The following CUL5 variants were observed in gnomAD, a reference collection of about 807,000 sequenced individuals.
CUL5 encodes the protein cullin 5, also known as cullin-5.
CUL5 carries 26 observed loss-of-function variants against 108.8 expected under a neutral mutation model. The ratio of observed to expected loss-of-function variants is 0.24; its 90% CI spans 0.18 to 0.33. The LOEUF (loss-of-function observed/expected upper bound fraction) is 0.33, where lower values mean the gene tolerates loss of function less well. Ranked by LOEUF, CUL5 falls within the 10% of genes least tolerant of loss-of-function variation. CUL5 has a pLI of 1.00. For synonymous variants in CUL5, 334 were observed against 298.0 expected (o/e 1.12, Z -1.25); for missense variants, 524 against 909.2 (o/e 0.58, Z 5.45).
At position 108,047,764 on chromosome 11, in the gene CUL5, C is replaced by T. The variant is rs150782988; in HGVS notation, c.234+1395C>T. Among the ~76,000 whole-genome samples, 29 of 152,232 alleles carry T rather than the reference C, an allele frequency of 1.9e-4. No homozygotes were observed. The East Asian group carries it at 4.6e-3, about 24-fold the overall frequency. ...TTTTCTTAGAACTAATTTAGAGATA[C>T]AGTTTCTACTTGCATTGGGAAATGT... On this transcript the variant is annotated intron_variant, in intron 3 of 18. Transcript: ENST00000393094.
At chr11:108,061,122 A>G (rs1451305455) in intron 7 of CUL5, among the ~76,000 whole-genome samples, 1 of 152,210 alleles carries the variant, frequency 6.6e-6, no homozygotes, top group Non-Finnish European at 1.5e-5. Context: ...TATGGCAAAA[A>G]GTTTTTTTCT....
chr11:108,058,245 CTTTT>C (rs771714382), intron 7 of CUL5, among the ~76,000 whole-genome samples: 1 of 100,116 alleles, frequency 1.0e-5, no homozygotes, highest in Non-Finnish European at 1.9e-5. Flanking sequence ...TGAAGAGTGC[CTTTT>C]TTTTTTTTTT....
At chr11:108,064,039 C>G (rs951883707) in intron 7 of CUL5, among the ~76,000 whole-genome samples, 1 of 152,194 alleles carries the variant, frequency 6.6e-6, no homozygotes, top group African/African-American at 2.4e-5. Flanking sequence ...TCTGATTCCT[C>G]TAACTACAAC....
At chr11:108,100,902 G>A (rs143636535) in intron 18 of CUL5, among the ~76,000 whole-genome samples, 129 of 152,224 alleles carry the variant, frequency 8.5e-4, no homozygotes, top group Non-Finnish European at 1.4e-3. Flanking sequence ...AGTGGTGCAT[G>A]CCTGTGGTCC....
chr11:108,012,567 A>G (rs1483404689), intron 1 of CUL5, among the ~76,000 whole-genome samples: 1 of 137,348 alleles, frequency 7.3e-6, no homozygotes, highest in Non-Finnish European at 1.5e-5. Context: ...TCCTATGCCT[A>G]TAAGAAAGTT....
intron 1 of CUL5, among the ~76,000 whole-genome samples, chr11:108,026,765 C>T (rs1319882420): frequency 2.6e-5 from 4 of 151,944 alleles, no homozygotes; most frequent in African/African-American, 7.2e-5. Flanking sequence ...CTGAGGTGGG[C>T]GGATCACGAG....
At chr11:108,089,224 A>G (rs891561026) in intron 12 of CUL5, among the ~76,000 whole-genome samples, 43 of 152,168 alleles carry the variant, frequency 2.8e-4, no homozygotes, top group Non-Finnish European at 2.4e-4. Context: ...GATTTTTTTC[A>G]TGTAAAGTAT....
chr11:108,102,257 T>G (rs1565273165), intron 18 of CUL5, among the ~76,000 whole-genome samples: 1 of 152,116 alleles, frequency 6.6e-6, no homozygotes, highest in Non-Finnish European at 1.5e-5. Context: ...CTCGAACTCC[T>G]GACTTCGTAA....
chr11:108,079,597 A>G lies in CUL5; in HGVS notation c.1178+1357A>G, dbSNP rs139595157. On this transcript the variant is annotated intron_variant, in intron 11 of 18. Coordinates refer to ENST00000393094, the MANE Select transcript of CUL5 (RefSeq NM_003478.6). ...CAGTCATTTATTGAATTTAATGTTT[A>G]TGTTTTTAGGCAAAATTTATATACT... Among the ~76,000 whole-genome samples, 71 of 152,324 alleles carry G rather than the reference A, an allele frequency of 4.7e-4. 1 individual carries two copies. In the East Asian group the frequency reaches 7.1e-3, roughly 15 times the overall value.
intron 16 of CUL5, among the ~76,000 whole-genome samples, chr11:108,097,317 G>C (rs1864526530): frequency 2.6e-5 from 4 of 152,296 alleles, no homozygotes; most frequent in Admixed American, 2.0e-4. Context: ...CACTTGGCCT[G>C]AAGTTCCAAA....
At chr11:108,060,843 T>G (rs943445720) in intron 7 of CUL5, among the ~76,000 whole-genome samples, 8 of 151,768 alleles carry the variant, frequency 5.3e-5, no homozygotes, top group African/African-American at 1.9e-4. Context: ...AAAAAAAGAA[T>G]AAGAATCTAC....
At chr11:108,091,738 ATAAT>A (rs1189709574) in intron 13 of CUL5, among the ~76,000 whole-genome samples, 7 of 107,730 alleles carry the variant, frequency 6.5e-5, no homozygotes, top group Non-Finnish European at 1.2e-4. Context: ...CACACGACAA[ATAAT>A]TAAAAGCAGG....
At chr11:108,052,179 G>A (rs985646514) in intron 4 of CUL5, among the ~76,000 whole-genome samples, 3 of 151,888 alleles carry the variant, frequency 2.0e-5, no homozygotes, top group African/African-American at 4.8e-5. Flanking sequence ...CTGTGTTGCC[G>A]AGGCTGGTCT....
At chr11:108,036,613 G>C (rs943254414) in intron 2 of CUL5, among the ~76,000 whole-genome samples, 3 of 152,118 alleles carry the variant, frequency 2.0e-5, no homozygotes, top group African/African-American at 7.2e-5. Context: ...GAGTAGCTGG[G>C]ACTACAGGTA....
Position 108,073,421 on chromosome 11 carries a change from C to A in CUL5, c.1037C>A (p.Thr346Lys), listed in dbSNP as rs150546641. Residue 346 changes from threonine (T) to lysine (K), a missense_variant, in exon 10 of 19, where the codon ACA (threonine) becomes AAA (lysine). This residue lies in a region of CUL5 where 27 missense variants were observed against 21.3 expected (regional missense o/e 1.27). Transcript: ENST00000393094. Reference sequence around the variant, plus strand: ...GAGAAATACGTTGAGCAGTTACTTACACTATTTAATAGATTTAGTAAACTC... The same window carrying A: ...GAGAAATACGTTGAGCAGTTACTTAAACTATTTAATAGATTTAGTAAACTC... ...DSEKYVEQLL[T>K]LFNRFSKLVK... The A allele has an allele frequency of 2.5e-6, 4 of 1,584,008 alleles. No individual in the cohort carries two copies. In the African/African-American group the frequency reaches 4.1e-5, roughly 16 times the overall value.
At chr11:108,045,327 C>A (rs914870984) in intron 2 of CUL5, among the ~76,000 whole-genome samples, 15 of 152,182 alleles carry the variant, frequency 9.9e-5, no homozygotes, top group African/African-American at 3.6e-4. Flanking sequence ...ACAAAATAGG[C>A]TGGCCCACAA....
At chr11:108,085,187 A>AT (rs1335714529) in intron 11 of CUL5, among the ~76,000 whole-genome samples, 1 of 152,224 alleles carries the variant, frequency 6.6e-6, no homozygotes, top group Non-Finnish European at 1.5e-5. Context: ...CCAAATATCC[A>AT]TTAGTTGCAT....
At chr11:108,084,397 C>T (rs934338279) in intron 11 of CUL5, among the ~76,000 whole-genome samples, 1 of 152,196 alleles carries the variant, frequency 6.6e-6, no homozygotes, top group Non-Finnish European at 1.5e-5. Context: ...CTAAGCAATA[C>T]TGCTGGGGGG....
chr11:108,084,768 T>TA, intron 11 of CUL5: 1 of 152,324 alleles, frequency 6.6e-6, no homozygotes, highest in East Asian at 1.9e-4. Context: ...CACAATGAGC[T>TA]ATCACTTCAT....
Sources: gnomAD v4.1 joint callset for allele counts (sites outside exome capture counted in the v4.1 genomes callset) on GRCh38, gnomAD v4.1.1 for gene constraint, gnomAD v4.1.1 regional missense constraint, MANE v1.5 for transcripts, NCBI Gene and HGNC (gene_info 2026-07-23, HGNC 2026-07-21) for gene names.